The following FANCC variants were observed in gnomAD, a reference collection of about 807,000 sequenced individuals.
FANCC encodes Fanconi anemia group C protein.
Under a neutral mutation model 71.3 loss-of-function variants are expected in FANCC, and 55 were observed. That is an observed-to-expected ratio of 0.77 (90% CI 0.62 to 0.97). The LOEUF (loss-of-function observed/expected upper bound fraction) is 0.97, where lower values mean the gene tolerates loss of function less well. FANCC is among the 50% of genes least tolerant of loss of function. The probability of loss-of-function intolerance (pLI) is 0.00; values close to 1 mark genes in which losing one functional copy is unlikely to be tolerated. For missense variants in FANCC, 678 were observed against 670.9 expected (o/e 1.01, Z -0.12); for synonymous variants, 275 against 244.9 (o/e 1.12, Z -1.15).
At chr9:95,286,244 A>G (rs1329493810) in intron 1 of FANCC, among the ~76,000 whole-genome samples, 1 of 152,214 alleles carries the variant, frequency 6.6e-6, no homozygotes, top group Non-Finnish European at 1.5e-5. Context: ...TATAATAATC[A>G]TGTATTATTT....
Position 95,270,301 on chromosome 9 carries a change from G to A in FANCC, c.-78-20932C>T, listed in dbSNP as rs932394246. On this transcript the variant is annotated intron_variant, in intron 1 of 14. Transcript: ENST00000289081. ...ATCCAGTACCGGTCAGGGACCCGTC[G>A]CAGCGAGAGCACTTGCAGGCCAACA... 7.9e-5 allele frequency among the ~76,000 whole-genome samples: 12 copies of A among 152,004 alleles called. No individual in the cohort carries two copies. The East Asian group carries it at 1.2e-3, about 15-fold the overall frequency.
Position 95,249,283 on chromosome 9 carries a change from T to C in FANCC, c.9A>G (p.Gln3=). The change falls in exon 2 of 15, where the codon CAA becomes CAG. Residue 3 remains glutamine, a synonymous_variant. Coordinates refer to ENST00000289081, the MANE Select transcript of FANCC (RefSeq NM_000136.3). ...AATCACAAGAAAGATCTACTGAATC[T>C]TGAGCCATCTTGGAAAAAGCGAAAA... is the stretch of plus-strand genomic sequence containing the variant. MA[Q]DSVDLSCDYQ... The C allele has an allele frequency of 6.2e-7, 1 of 1,614,088 alleles. No individual in the cohort carries two copies. The highest frequency in any genetic ancestry group is 8.5e-7 in the Non-Finnish European group (1 of 1,179,992).
chr9:95,231,719 G>A (rs957259897), intron 4 of FANCC, among the ~76,000 whole-genome samples: 2 of 152,168 alleles, frequency 1.3e-5, no homozygotes, highest in African/African-American at 4.8e-5. Flanking sequence ...TTAACCTAAA[G>A]AGGAATTCTT....
At chr9:95,287,524 T>C (rs1016576472) in intron 1 of FANCC, among the ~76,000 whole-genome samples, 3 of 152,176 alleles carry the variant, frequency 2.0e-5, no homozygotes, top group African/African-American at 7.2e-5. Context: ...TATTTACACA[T>C]CCAAAGTTTA....
chr9:95,280,006 A>T (rs1011051831), intron 1 of FANCC, among the ~76,000 whole-genome samples: 2 of 152,006 alleles, frequency 1.3e-5, no homozygotes, highest in African/African-American at 4.8e-5. Flanking sequence ...TCAGACTTTA[A>T]GAAAACATGA....
chr9:95,312,744 T>C (rs964823379), intron 1 of FANCC, among the ~76,000 whole-genome samples: 2 of 152,112 alleles, frequency 1.3e-5, no homozygotes, highest in Admixed American at 6.5e-5. Flanking sequence ...GAATAGGAGA[T>C]ATAAGGAGGA....
intron 4 of FANCC, among the ~76,000 whole-genome samples, chr9:95,185,568 G>A (rs1302492310): frequency 4.6e-5 from 7 of 152,056 alleles, no homozygotes; most frequent in African/African-American, 7.3e-5. Context: ...TCCCAACCTC[G>A]AACCCAACAA....
rs1216123007 is a variant in FANCC, at chr9:95,133,137, T to C, written c.843+2209A>G. On this transcript the variant is annotated intron_variant, in intron 8 of 14. Coordinates refer to ENST00000289081, the MANE Select transcript of FANCC (RefSeq NM_000136.3). ...CGATAAATGAATCAGATGATGCAAT[T>C]AGGAAGCAGGCTCTTCAGGTTACCC... 5.3e-5 allele frequency among the ~76,000 whole-genome samples: 8 copies of C among 152,336 alleles called. 1 individual carries two copies. Among genetic ancestry groups the C allele is most frequent in the Admixed American group, 3.9e-4 (6 of 15,310 alleles).
intron 10 of FANCC, among the ~76,000 whole-genome samples, chr9:95,119,469 G>C (rs909865806): frequency 6.6e-6 from 1 of 151,128 alleles, no homozygotes; most frequent in Non-Finnish European, 1.5e-5. Context: ...AGGTTCAAGC[G>C]ATTCTCCTGC....
intron 10 of FANCC, among the ~76,000 whole-genome samples, chr9:95,123,148 T>A (rs1265359023): frequency 6.6e-6 from 1 of 151,184 alleles, no homozygotes; most frequent in Non-Finnish European, 1.5e-5. Flanking sequence ...AAAAAAAATT[T>A]AAAAATTAGC....
chr9:95,173,636 C>A (rs1825829011), intron 4 of FANCC, among the ~76,000 whole-genome samples: 1 of 152,126 alleles, frequency 6.6e-6, no homozygotes, highest in South Asian at 2.1e-4. Flanking sequence ...TACAAAGGGG[C>A]CAGGCACGGT....
intron 1 of FANCC, among the ~76,000 whole-genome samples, chr9:95,270,273 C>T (rs1832644006): frequency 6.6e-6 from 1 of 152,170 alleles, no homozygotes; most frequent in African/African-American, 2.4e-5. Context: ...TACTAGTCCT[C>T]TCATCCAGTA....
chr9:95,254,902 C>A (rs1001275290), intron 1 of FANCC, among the ~76,000 whole-genome samples: 3 of 152,130 alleles, frequency 2.0e-5, no homozygotes, highest in Admixed American at 2.0e-4. Flanking sequence ...GGAGGGGCGT[C>A]CCCCATTACT....
chr9:95,283,684 A>T (rs545937834), intron 1 of FANCC, among the ~76,000 whole-genome samples: 1 of 152,372 alleles, frequency 6.6e-6, no homozygotes, highest in African/African-American at 2.4e-5. Flanking sequence ...AACTCACTTT[A>T]CAAAAAAATA....
At chr9:95,294,370 C>T (rs1375157514) in intron 1 of FANCC, 5 of 1,592,658 alleles carry the variant, frequency 3.1e-6, no homozygotes, top group Non-Finnish European at 3.4e-6. Flanking sequence ...GGACTTCTTA[C>T]TCGCAGATAC....
intron 6 of FANCC, among the ~76,000 whole-genome samples, chr9:95,154,482 T>C (rs1830349569): frequency 6.6e-6 from 1 of 152,184 alleles, no homozygotes; most frequent in African/African-American, 2.4e-5. Flanking sequence ...TAAATGATTA[T>C]TTATTTACAG....
rs571137001 is a variant in FANCC at position 95,142,086 on chromosome 9, G to A, written c.687-6584C>T. On this transcript the variant is annotated intron_variant, in intron 7 of 14. Coordinates refer to ENST00000289081, the MANE Select transcript of FANCC (RefSeq NM_000136.3). The stretch of plus-strand genomic sequence containing the variant: ...CGGCTCACTACAACCTCTGCCTCCC[G>A]GGTTCAAGCAATTCTCCTGCCTCAG... 8.5e-5 allele frequency among the ~76,000 whole-genome samples: 11 copies of A among 129,818 alleles called. No homozygotes were observed. The South Asian group carries it at 2.2e-3, about 26-fold the overall frequency. The allele number at this position is 129,818 out of a possible 152,430, so 85.2% of individuals were successfully genotyped here.
intron 4 of FANCC, among the ~76,000 whole-genome samples, chr9:95,238,891 C>T (rs149939817): frequency 6.6e-5 from 10 of 152,264 alleles, no homozygotes; most frequent in African/African-American, 2.4e-4. Flanking sequence ...CTGGTGGCTG[C>T]CCCACTGTCA....
chr9:95,113,049 C>T (rs977854590), intron 12 of FANCC, among the ~76,000 whole-genome samples: 25 of 152,332 alleles, frequency 1.6e-4, no homozygotes, highest in Non-Finnish European at 3.5e-4. Flanking sequence ...GTCCTGTCCC[C>T]GAGTTAAGAT....
Sources: allele counts gnomAD v4.1 joint callset (sites outside exome capture counted in the v4.1 genomes callset), GRCh38; gene constraint gnomAD v4.1.1; transcripts MANE v1.5; gene names NCBI Gene and HGNC (gene_info 2026-07-23, HGNC 2026-07-21).